EHD1: variants seen among roughly 807,000 people sequenced by gnomAD.
The protein encoded by EHD1 is EH domain containing 1.
In EHD1, 19 loss-of-function variants were observed where a neutral mutation model predicts 39.0. That is an observed-to-expected ratio of 0.49 (90% CI 0.34 to 0.72). The LOEUF (loss-of-function observed/expected upper bound fraction) is 0.72, where lower values mean the gene tolerates loss of function less well. Ranked by LOEUF, EHD1 falls within the 30% of genes least tolerant of loss-of-function variation. The pLI, the probability that EHD1 is intolerant of heterozygous loss-of-function variation, is 0.01. For missense variants in EHD1, 542 were observed against 751.5 expected (o/e 0.72, Z 3.26); for synonymous variants, 323 against 331.2 (o/e 0.98, Z 0.27).
chr11:64,864,507 C>T (rs954066167), intron 2 of EHD1, among the ~76,000 whole-genome samples: 1 of 152,194 alleles, frequency 6.6e-6, no homozygotes, highest in Non-Finnish European at 1.5e-5. Flanking sequence ...AGGGAGAGGC[C>T]GCCTCTGCCC....
Position 64,852,989 on chromosome 11 carries a change from G to A in EHD1, c.*1344C>T, listed in dbSNP as rs532850901. On this transcript the variant is annotated 3_prime_UTR_variant, in exon 5 of 5. Coordinates refer to ENST00000320631, the MANE Select transcript of EHD1 (RefSeq NM_006795.4). ...GAAGCCCAGCTGTGTGGTACCTGGT[G>A]CTCCACCTGCCTTGGTGCCATCACA... The A allele has an allele frequency of 2.6e-5, 4 of 152,384 alleles. No homozygotes were observed. The highest frequency in any genetic ancestry group is 7.2e-5 in the African/African-American group (3 of 41,574). The allele number at this position is 152,384 out of a possible 1,614,324, so 9.4% of individuals were successfully genotyped here.
At chr11:64,874,569 G>A (rs1943865869) in intron 1 of EHD1, 51 bp from the exon 2 acceptor site, 2 of 1,444,328 alleles carry the variant, frequency 1.4e-6, no homozygotes, top group Non-Finnish European at 1.9e-6. Context: ...AGTCATCACT[G>A]CTCCGGACAC....
At chr11:64,857,396 C>T (rs965268749) in intron 3 of EHD1, among the ~76,000 whole-genome samples, 4 of 152,158 alleles carry the variant, frequency 2.6e-5, no homozygotes, top group Admixed American at 6.5e-5. Flanking sequence ...TGCACTCCAG[C>T]CTAGGTAACA....
chr11:64,869,700 G>C (rs1943807368), intron 2 of EHD1, among the ~76,000 whole-genome samples: 1 of 152,236 alleles, frequency 6.6e-6, no homozygotes, highest in African/African-American at 2.4e-5. Context: ...TGAACCTTCT[G>C]ATCTACTTGT....
In EHD1 at chr11:64,858,347, A is replaced by G. The variant is rs563880860; in HGVS notation, c.915+1577T>C. The stretch of plus-strand genomic sequence containing the variant: ...CAGGCACGCACCACCACGCCCGGCT[A>G]ATTTTTGTATTTTTTTTAGTAGAGA... On this transcript the variant is annotated intron_variant, in intron 3 of 4. Coordinates refer to ENST00000320631, the MANE Select transcript of EHD1 (RefSeq NM_006795.4). Among the ~76,000 whole-genome samples, 3 of 150,530 alleles carry G rather than the reference A, an allele frequency of 2.0e-5. No individual in the cohort carries two copies. The East Asian group carries it at 5.9e-4, about 30-fold the overall frequency.
At chr11:64,861,173 G>C (rs1378895877) in intron 2 of EHD1, among the ~76,000 whole-genome samples, 1 of 149,612 alleles carries the variant, frequency 6.7e-6, no homozygotes, top group Admixed American at 6.7e-5. Context: ...GTGACACAGC[G>C]AGACTCCGTC....
In EHD1 at chr11:64,852,174, A is replaced by G. The variant is rs1373570126; in HGVS notation, c.*2159T>C. 1 of 151,818 alleles carries G rather than the reference A, an allele frequency of 6.6e-6. No homozygotes were observed. The highest frequency in any genetic ancestry group is 1.5e-5 in the Non-Finnish European group (1 of 67,922). 9.4% of individuals were successfully genotyped at this position (151,818 alleles called of 1,614,324 possible). On this transcript the variant is annotated 3_prime_UTR_variant, in exon 5 of 5. Transcript: ENST00000320631. ...TTTTATGAAGGGTCACTAATCAGTCACCCTTCCCTCTGCTGGTATAAACAG... is the reference window on the plus strand; with the variant it reads ...TTTTATGAAGGGTCACTAATCAGTCGCCCTTCCCTCTGCTGGTATAAACAG...
intron 2 of EHD1, among the ~76,000 whole-genome samples, chr11:64,871,188 C>T (rs537874503): frequency 5.8e-4 from 88 of 152,208 alleles, no homozygotes; most frequent in Non-Finnish European, 8.4e-4. Context: ...TTCCAGGGAA[C>T]GGGCTGGCAG....
At chr11:64,869,207 G>C (rs1490889132) in intron 2 of EHD1, among the ~76,000 whole-genome samples, 1 of 152,276 alleles carries the variant, frequency 6.6e-6, no homozygotes, top group Non-Finnish European at 1.5e-5. Flanking sequence ...GCGCAGCCTG[G>C]GGAACAGGTG....
chr11:64,874,300 T>TTA (rs1430967433), intron 2 of EHD1, 121 bp downstream of exon 2: 1 of 503,062 alleles, frequency 2.0e-6, no homozygotes, highest in Non-Finnish European at 3.1e-6. Flanking sequence ...TAAGACTCCG[T>TTA]CAAAAAAAAA....
rs879922843 is a variant in EHD1, at chr11:64,853,533, G to C, written c.*800C>G. 215 of 152,770 alleles carry C rather than the reference G, an allele frequency of 1.4e-3. 1 individual carries two copies. Among genetic ancestry groups the C allele is most frequent in the Non-Finnish European group, 2.8e-3 (189 of 68,092 alleles). 9.5% of individuals were successfully genotyped at this position (152,770 alleles called of 1,614,324 possible). A position where few individuals can be genotyped will look rare whatever the true frequency, so the allele number is the denominator to read the frequency against. On this transcript the variant is annotated 3_prime_UTR_variant, in exon 5 of 5. Transcript: ENST00000320631. ...TGCCCCCTGGGCAGGGCTGCTCCTTGGCTGGAGGGTGGGAAGGGGAGACAA... is the reference window on the plus strand; with the variant it reads ...TGCCCCCTGGGCAGGGCTGCTCCTTCGCTGGAGGGTGGGAAGGGGAGACAA...
chr11:64,865,654 C>T (rs1050793583), intron 2 of EHD1, among the ~76,000 whole-genome samples: 1 of 152,222 alleles, frequency 6.6e-6, no homozygotes, highest in African/African-American at 2.4e-5. Context: ...GAAGCTCTAG[C>T]TCAGAAAATC....
At chr11:64,877,733 A>C (rs1225699018) in intron 1 of EHD1, 3 of 293,640 alleles carry the variant, frequency 1.0e-5, no homozygotes, top group Admixed American at 5.1e-5. Flanking sequence ...GTGGAGACCA[A>C]GAAAAGGAGC....
intron 2 of EHD1, 136 bp from the exon 3 acceptor site, chr11:64,860,472 C>T (rs1378989956): frequency 1.8e-5 from 23 of 1,254,508 alleles, no homozygotes; most frequent in Non-Finnish European, 2.3e-5. Flanking sequence ...TGGTGGCTCA[C>T]GCCTGTAATC....
chr11:64,863,112 C>T (rs530461326), intron 2 of EHD1, among the ~76,000 whole-genome samples: 2 of 152,268 alleles, frequency 1.3e-5, no homozygotes, highest in East Asian at 3.9e-4. Flanking sequence ...AAATGTAGGC[C>T]GGCCCTCTTC....
At chr11:64,871,211 G>A (rs1209246342) in intron 2 of EHD1, among the ~76,000 whole-genome samples, 3 of 152,212 alleles carry the variant, frequency 2.0e-5, no homozygotes, top group Non-Finnish European at 4.4e-5. Context: ...CAGGGGAGGC[G>A]TGTTGTGCTG....
At position 64,860,158 on chromosome 11, in the gene EHD1, C is replaced by T; in HGVS notation, c.681G>A (p.Gln227=). The T allele has an allele frequency of 3.1e-6, 5 of 1,614,188 alleles. No homozygotes were observed. Among genetic ancestry groups the T allele is most frequent in the Non-Finnish European group, 4.2e-6 (5 of 1,180,048 alleles). ...GGGCCCCGTACACCCGCATCAGCTG[C>T]TGCGTCTCGATCTGGTCTGCCTTGT... ...VLNKADQIET[Q]QLMRVYGALM... The change falls in exon 3 of 5, where the codon CAG becomes CAA. Residue 227 remains glutamine, a synonymous_variant. Coordinates refer to ENST00000320631, the MANE Select transcript of EHD1 (RefSeq NM_006795.4).
intron 2 of EHD1, among the ~76,000 whole-genome samples, chr11:64,872,760 G>T (rs367558149): frequency 6.6e-6 from 1 of 152,158 alleles, no homozygotes; most frequent in Non-Finnish European, 1.5e-5. Flanking sequence ...GGCAAGGCCC[G>T]CAAGGCTGGA....
upstream of EHD1, chr11:64,878,966 G>A: frequency 1.0e-6 from 1 of 1,004,702 alleles, no homozygotes; most frequent in Non-Finnish European, 1.2e-6. Context: ...CACCCCCGCG[G>A]GATGGCTCCA....
Sources: allele counts gnomAD v4.1 joint callset (sites outside exome capture counted in the v4.1 genomes callset), GRCh38; gene constraint gnomAD v4.1.1; transcripts MANE v1.5; gene names NCBI Gene and HGNC (gene_info 2026-07-23, HGNC 2026-07-21).